The following NEBL variants were observed in gnomAD, a reference collection of about 807,000 sequenced individuals.
The protein encoded by NEBL is nebulette, also known as LIM and SH3 protein 2.
A neutral mutation model predicts 140.2 loss-of-function variants in NEBL; 122 were observed. That is an observed-to-expected ratio of 0.87 (90% CI 0.75 to 1.01). The LOEUF (loss-of-function observed/expected upper bound fraction) is 1.01, where lower values mean the gene tolerates loss of function less well. NEBL is among the 50% of genes least tolerant of loss of function. The pLI is 0.00. For synonymous variants in NEBL, 436 were observed against 398.9 expected, an observed-to-expected ratio of 1.09 and a Z score of -1.11; for missense variants, 1,365 against 1,231.3, an observed-to-expected ratio of 1.11 and a Z score of -1.62.
intron 2 of NEBL, among the ~76,000 whole-genome samples, chr10:21,082,761 A>ATTTTT (rs71392113): frequency 0.39 from 42,802 of 109,058 alleles, 9,899 homozygotes; most frequent in Middle Eastern, 0.56. Flanking sequence ...GGAGGGATGC[A>ATTTTT]TTTTTTTTTT....
At chr10:20,861,811 C>T (rs975646867) in intron 7 of NEBL, among the ~76,000 whole-genome samples, 1 of 152,058 alleles carries the variant, frequency 6.6e-6, no homozygotes, top group African/African-American at 2.4e-5. Context: ...ATATGCTCTC[C>T]CAAGTAAATG....
chr10:20,899,340 G>A, upstream of NEBL: 1 of 1,215,430 alleles, frequency 8.2e-7, no homozygotes, highest in Non-Finnish European at 1.1e-6. Flanking sequence ...CAGTACTGGT[G>A]TTACTCAGGG....
At chr10:20,958,794 C>G (rs887242047) in intron 4 of NEBL, among the ~76,000 whole-genome samples, 1 of 152,128 alleles carries the variant, frequency 6.6e-6, no homozygotes, top group Admixed American at 6.6e-5. Flanking sequence ...CTCCCATGTT[C>G]AATATGTTGT....
chr10:21,038,840 C>G (rs777693201), intron 2 of NEBL, among the ~76,000 whole-genome samples: 26 of 152,166 alleles, frequency 1.7e-4, no homozygotes, highest in Admixed American at 1.4e-3. Flanking sequence ...AGTGTAAAAG[C>G]ATTCCTATTT....
At chr10:20,829,849 G>T (rs2130897694) in intron 16 of NEBL, among the ~76,000 whole-genome samples, 1 of 152,244 alleles carries the variant, frequency 6.6e-6, no homozygotes, top group Middle Eastern at 3.4e-3. Flanking sequence ...ATGATTATTA[G>T]ATTTATCTGT....
At chr10:21,041,635 T>G (rs1834270829) in intron 2 of NEBL, among the ~76,000 whole-genome samples, 1 of 152,216 alleles carries the variant, frequency 6.6e-6, no homozygotes, top group Admixed American at 6.5e-5. Flanking sequence ...TGGCATTCCC[T>G]CTACTCTTTT....
Position 20,893,442 on chromosome 10 carries a change from G to C in NEBL, c.154-3493C>G, listed in dbSNP as rs1221994400. On this transcript the variant is annotated intron_variant, in intron 2 of 27. Transcript: ENST00000377122. ...GAAGACCAGCTGTTCTTCAAGACTGGGAAGTGAGTTGTGCAAAGAGGAACC... is the reference window on the plus strand; with the variant it reads ...GAAGACCAGCTGTTCTTCAAGACTGCGAAGTGAGTTGTGCAAAGAGGAACC... Among the ~76,000 whole-genome samples, 3 of 152,276 alleles carry C rather than the reference G, an allele frequency of 2.0e-5. No homozygotes were observed. The East Asian group carries it at 5.8e-4, about 29-fold the overall frequency.
At chr10:21,089,837 A>G (rs1208731619) in intron 2 of NEBL, among the ~76,000 whole-genome samples, 1 of 103,224 alleles carries the variant, frequency 9.7e-6, no homozygotes, top group Non-Finnish European at 1.7e-5. Context: ...ATGAAAACAG[A>G]TGGGTTTTCC....
chr10:21,055,430 T>G (rs1834971301), intron 2 of NEBL, among the ~76,000 whole-genome samples: 1 of 152,154 alleles, frequency 6.6e-6, no homozygotes, highest in Non-Finnish European at 1.5e-5. Flanking sequence ...ATCTTTTAAC[T>G]TTGGTGTCAA....
In NEBL at chr10:21,147,648, A is replaced by G. The variant is rs184243005; in HGVS notation, c.164+24735T>C. 4.6e-3 allele frequency among the ~76,000 whole-genome samples: 699 copies of G among 152,292 alleles called. 2 individuals are homozygous for G. The highest frequency in any genetic ancestry group is 7.1e-3 in the Non-Finnish European group (481 of 68,022). On this transcript the variant is annotated intron_variant, in intron 2 of 6. Coordinates refer to the NEBL transcript ENST00000417816. ...TTGATATTTACCACGGTTCAAGCCTACATCCCTGAGTAAGAAGAATCCGCC... is the reference window on the plus strand; with the variant it reads ...TTGATATTTACCACGGTTCAAGCCTGCATCCCTGAGTAAGAAGAATCCGCC...
chr10:20,922,446 C>T (rs1221289626), intron 4 of NEBL, among the ~76,000 whole-genome samples: 1 of 152,236 alleles, frequency 6.6e-6, no homozygotes, highest in Non-Finnish European at 1.5e-5. Context: ...ATCCCTCCCT[C>T]CTATACCAAA....
chr10:20,839,831 C>T (rs191329807), intron 13 of NEBL, among the ~76,000 whole-genome samples: 25 of 152,230 alleles, frequency 1.6e-4, no homozygotes, highest in Admixed American at 3.3e-4. Flanking sequence ...GGGATGTTCA[C>T]TTCCCATTGG....
At chr10:20,965,341 C>T (rs558457687) in intron 3 of NEBL, among the ~76,000 whole-genome samples, 14 of 152,338 alleles carry the variant, frequency 9.2e-5, no homozygotes, top group Non-Finnish European at 2.1e-4. Flanking sequence ...AAGTGTCAGG[C>T]AGTCTGCCCT....
intron 3 of NEBL, among the ~76,000 whole-genome samples, chr10:20,967,671 G>C (rs1046422642): frequency 6.6e-6 from 1 of 152,006 alleles, no homozygotes; most frequent in Non-Finnish European, 1.5e-5. Context: ...TATGGTGGGA[G>C]GGGGCTTGAT....
At chr10:21,050,269 T>G (rs990309933) in intron 2 of NEBL, among the ~76,000 whole-genome samples, 1 of 152,246 alleles carries the variant, frequency 6.6e-6, no homozygotes, top group Non-Finnish European at 1.5e-5. Context: ...CTATCTGATT[T>G]CTGTTGGCAA....
At chr10:20,976,145 G>A (rs1836788035) in intron 3 of NEBL, among the ~76,000 whole-genome samples, 1 of 151,730 alleles carries the variant, frequency 6.6e-6, no homozygotes, top group African/African-American at 2.4e-5. Context: ...GACCAGCCTA[G>A]CCAACATGGT....
intron 7 of NEBL, among the ~76,000 whole-genome samples, chr10:20,860,713 A>G (rs1246266644): frequency 1.3e-5 from 2 of 152,112 alleles, no homozygotes; most frequent in African/African-American, 4.8e-5. Flanking sequence ...AATTATTACC[A>G]TGTTTGGTTT....
At chr10:21,131,476 T>G (rs1282752602) in intron 2 of NEBL, among the ~76,000 whole-genome samples, 1 of 152,130 alleles carries the variant, frequency 6.6e-6, no homozygotes, top group Non-Finnish European at 1.5e-5. Context: ...GGGCCTGTAC[T>G]CTGCTCACTG....
intron 2 of NEBL, among the ~76,000 whole-genome samples, chr10:21,027,273 G>A (rs1189719040): frequency 6.6e-6 from 1 of 150,696 alleles, no homozygotes; most frequent in African/African-American, 2.4e-5. Flanking sequence ...AAAGGAAGAA[G>A]TATACTAAAT....
Sources: gnomAD v4.1 joint callset for allele counts (sites outside exome capture counted in the v4.1 genomes callset) on GRCh38, gnomAD v4.1.1 for gene constraint, MANE v1.5 for transcripts, NCBI Gene and HGNC (gene_info 2026-07-23, HGNC 2026-07-21) for gene names.